The following SEMA5A variants were observed in gnomAD, a reference collection of about 807,000 sequenced individuals.
The protein encoded by SEMA5A is semaphorin-5A.
Under a neutral mutation model 135.5 loss-of-function variants are expected in SEMA5A, and 55 were observed. The ratio of observed to expected loss-of-function variants is 0.41; its 90% confidence interval spans 0.33 to 0.51. The LOEUF (loss-of-function observed/expected upper bound fraction) is 0.51. Ranked by LOEUF, SEMA5A falls within the 20% of genes least tolerant of loss-of-function variation. The pLI is 0.37. For synonymous variants in SEMA5A, 580 were observed against 546.5 expected (o/e 1.06, Z -0.85); for missense variants, 1,290 against 1,419.9 (o/e 0.91, Z 1.47).
At chr5:9,425,020 G>T (rs940942949) in intron 2 of SEMA5A, among the ~76,000 whole-genome samples, 2 of 152,088 alleles carry the variant, frequency 1.3e-5, no homozygotes, top group African/African-American at 4.8e-5. Context: ...TTCTCCAAAG[G>T]GTTCCCAATG....
chr5:9,267,107 C>T (rs536714284), intron 5 of SEMA5A, among the ~76,000 whole-genome samples: 5 of 152,128 alleles, frequency 3.3e-5, no homozygotes, highest in Non-Finnish European at 7.3e-5. Context: ...TCAAAACCTT[C>T]GAACAGCTCT....
chr5:9,324,291 A>G (rs1752772882), intron 4 of SEMA5A, among the ~76,000 whole-genome samples: 1 of 150,872 alleles, frequency 6.6e-6, no homozygotes, highest in Non-Finnish European at 1.5e-5. Flanking sequence ...GATGGTCTCT[A>G]TCTCCTGACC....
At chr5:9,213,688 T>A (rs1479911417) in intron 8 of SEMA5A, among the ~76,000 whole-genome samples, 1 of 152,154 alleles carries the variant, frequency 6.6e-6, no homozygotes, top group African/African-American at 2.4e-5. Flanking sequence ...ACTGTGGAGA[T>A]TTTCATACTA....
chr5:9,532,232 G>A (rs1263704781), intron 1 of SEMA5A, among the ~76,000 whole-genome samples: 2 of 150,260 alleles, frequency 1.3e-5, no homozygotes, highest in African/African-American at 4.9e-5. Flanking sequence ...CTTTACAGGT[G>A]AACAAAAAAC....
intron 1 of SEMA5A, among the ~76,000 whole-genome samples, chr5:9,540,393 T>C (rs1249878015): frequency 4.1e-5 from 6 of 146,180 alleles, no homozygotes; most frequent in African/African-American, 1.5e-4. Flanking sequence ...ATCGAGACCA[T>C]CCAGGCTAAC....
chr5:9,533,999 A>G (rs1228332085), intron 1 of SEMA5A, among the ~76,000 whole-genome samples: 1 of 152,202 alleles, frequency 6.6e-6, no homozygotes, highest in Non-Finnish European at 1.5e-5. Flanking sequence ...ACCAGCACTC[A>G]CCTGAAGAGG....
At chr5:9,119,249 G>T (rs1740685700) in intron 14 of SEMA5A, 108 bp from the exon 15 acceptor site, 2 of 1,361,518 alleles carry the variant, frequency 1.5e-6, no homozygotes, top group African/African-American at 1.5e-5. Context: ...TCACGCTTGG[G>T]GCTGCTCAGG....
At chr5:9,460,870 G>T (rs1449810380) in intron 1 of SEMA5A, among the ~76,000 whole-genome samples, 1 of 152,156 alleles carries the variant, frequency 6.6e-6, no homozygotes, top group Non-Finnish European at 1.5e-5. Flanking sequence ...AAATTTTTCA[G>T]CTTATTTATT....
intron 2 of SEMA5A, among the ~76,000 whole-genome samples, chr5:9,392,223 C>T (rs1298376010): frequency 3.3e-5 from 5 of 152,172 alleles, no homozygotes; most frequent in South Asian, 2.1e-4. Context: ...ATTTTATCTT[C>T]TTCACATCAC....
chr5:9,053,582 A>T (rs1309585154), intron 19 of SEMA5A, among the ~76,000 whole-genome samples: 1 of 152,102 alleles, frequency 6.6e-6, no homozygotes. Context: ...TCTTTGGAAG[A>T]CATGTGGCTG....
chr5:9,050,509 T>G (rs1416801368), intron 20 of SEMA5A, 52 bp from the exon 21 acceptor site: 2 of 1,441,012 alleles, frequency 1.4e-6, no homozygotes, highest in East Asian at 4.6e-5. Flanking sequence ...CAGAAGACAG[T>G]CCACATTCAT....
At chr5:9,219,880 A>G (rs1225043208) in intron 8 of SEMA5A, among the ~76,000 whole-genome samples, 1 of 152,218 alleles carries the variant, frequency 6.6e-6, no homozygotes, top group Non-Finnish European at 1.5e-5. Flanking sequence ...GGAAGTGAAC[A>G]TCGCATCTGT....
rs114182614 is a variant in SEMA5A, at chr5:9,328,801, C to A, written c.224+8912G>T. Among the ~76,000 whole-genome samples the A allele has an allele frequency of 6.3e-3, 960 of 152,216 alleles. 12 individuals are homozygous for A. Among genetic ancestry groups the A allele is most frequent in the African/African-American group, 0.022 (917 of 41,544 alleles). ...CTCTCTCTCACAAAAAAGATTCTGG[C>A]ATTACTTCCGGAAAGTGGAATTCAG... On this transcript the variant is annotated intron_variant, in intron 4 of 22. Transcript: ENST00000382496.
chr5:9,175,925 T>C (rs1382375115), intron 11 of SEMA5A, among the ~76,000 whole-genome samples: 3 of 152,218 alleles, frequency 2.0e-5, no homozygotes, highest in Non-Finnish European at 2.9e-5. Context: ...ATAGACCTCC[T>C]ACCATAGGCA....
At chr5:9,473,483 G>A (rs1467814347) in intron 1 of SEMA5A, among the ~76,000 whole-genome samples, 1 of 151,052 alleles carries the variant, frequency 6.6e-6, no homozygotes, top group African/African-American at 2.4e-5. Flanking sequence ...CAGCCACCGG[G>A]GATCAGGCTA....
At chr5:9,083,804 G>C (rs1738528128) in intron 16 of SEMA5A, among the ~76,000 whole-genome samples, 1 of 152,124 alleles carries the variant, frequency 6.6e-6, no homozygotes, top group African/African-American at 2.4e-5. Flanking sequence ...GATGCAAGAG[G>C]GACTTAGTGT....
chr5:9,512,783 C>T (rs1021805561), intron 1 of SEMA5A, among the ~76,000 whole-genome samples: 3 of 152,112 alleles, frequency 2.0e-5, no homozygotes, highest in Non-Finnish European at 4.4e-5. Flanking sequence ...ACAACCAAAT[C>T]CTTTCAACGA....
chr5:9,244,355 G>T (rs1561064848), intron 5 of SEMA5A, among the ~76,000 whole-genome samples: 1 of 151,988 alleles, frequency 6.6e-6, no homozygotes, highest in African/African-American at 2.4e-5. Flanking sequence ...ATTCTTTTAC[G>T]GGTGGCATGG....
At position 9,224,892 on chromosome 5, in the gene SEMA5A, G is replaced by C. The variant is rs1478409943; in HGVS notation, c.433-5C>G. The stretch of plus-strand genomic sequence containing the variant: ...GATCTCAGTCAGGTTGCTCAACTGT[G>C]GGGGAGGATGAGAGGGAAAGCAGTT... On this transcript the variant is annotated splice_region_variant and splice_polypyrimidine_tract_variant and intron_variant, in intron 7 of 22. Transcript: ENST00000382496. 7 of 1,609,840 alleles carry C rather than the reference G, an allele frequency of 4.3e-6. No homozygotes were observed. Among genetic ancestry groups the C allele is most frequent in the Admixed American group, 1.7e-5 (1 of 59,946 alleles).
Sources: allele counts gnomAD v4.1 joint callset (sites outside exome capture counted in the v4.1 genomes callset), GRCh38; gene constraint gnomAD v4.1.1; transcripts MANE v1.5; gene names NCBI Gene and HGNC (gene_info 2026-07-23, HGNC 2026-07-21).